CABCOCO1: variants seen among roughly 807,000 people sequenced by gnomAD.
CABCOCO1 encodes ciliary-associated calcium-binding coiled-coil protein 1.
CABCOCO1 carries 28 observed loss-of-function variants against 35.7 expected under a neutral mutation model. That is an observed-to-expected ratio of 0.78 (90% CI 0.58 to 1.07). The LOEUF is 1.07. Among genes scored for constraint, CABCOCO1 ranks in the 50% least tolerant of loss-of-function variants. The pLI is 0.00. For synonymous variants in CABCOCO1, 95 were observed against 100.1 expected, an observed-to-expected ratio of 0.95 and a Z score of 0.30; for missense variants, 326 against 309.2, an observed-to-expected ratio of 1.05 and a Z score of -0.41.
chr10:61,761,022 A>G lies in CABCOCO1; in HGVS notation c.816+19A>G. On this transcript the variant is annotated intron_variant, in intron 7 of 7. Coordinates refer to ENST00000648843, the MANE Select transcript of CABCOCO1 (RefSeq NM_001366906.2). Reference sequence around the variant, plus strand: ...CATTCAGGTACTCAGTATTGATAGTATGCTCACTTACTTTATTACTGGTTA... The same window carrying G: ...CATTCAGGTACTCAGTATTGATAGTGTGCTCACTTACTTTATTACTGGTTA... 6.2e-7 allele frequency: 1 copy of G among 1,609,500 alleles called. No individual in the cohort carries two copies. The highest frequency in any genetic ancestry group is 2.2e-5 in the East Asian group (1 of 44,812).
chr10:61,690,607 G>C lies in CABCOCO1; in HGVS notation c.538G>C (p.Val180Leu). 6.2e-7 allele frequency: 1 copy of C among 1,601,072 alleles called. No homozygotes were observed. The highest frequency in any genetic ancestry group is 8.6e-7 in the Non-Finnish European group (1 of 1,169,168). ...FMFYSAREEI[V>L]IGTEQVIEVV... is the part of the protein sequence containing the mutation. Reference sequence around the variant, plus strand: ...GTTCTACTCTGCCAGGGAAGAAATTGTGATAGGAACTGAGGTAAGTAATTT... The same window carrying C: ...GTTCTACTCTGCCAGGGAAGAAATTCTGATAGGAACTGAGGTAAGTAATTT... Residue 180 changes from valine to leucine, a missense_variant, in exon 5 of 8, where the codon GTG (valine) becomes CTG (leucine). Coordinates refer to ENST00000648843, the MANE Select transcript of CABCOCO1 (RefSeq NM_001366906.2).
At chr10:61,690,237 T>C (rs927695245) in intron 4 of CABCOCO1, among the ~76,000 whole-genome samples, 1 of 152,132 alleles carries the variant, frequency 6.6e-6, no homozygotes, top group Non-Finnish European at 1.5e-5. Flanking sequence ...CATTATTTGC[T>C]TTTAAGCTAG....
At chr10:61,734,186 G>A (rs1342890841) in intron 5 of CABCOCO1, among the ~76,000 whole-genome samples, 1 of 151,816 alleles carries the variant, frequency 6.6e-6, no homozygotes, top group Non-Finnish European at 1.5e-5. Context: ...AGTTTCAAGG[G>A]TATGAAAATG....
intron 2 of CABCOCO1, among the ~76,000 whole-genome samples, chr10:61,678,962 C>A (rs1245899671): frequency 2.0e-5 from 3 of 152,104 alleles, no homozygotes; most frequent in Non-Finnish European, 4.4e-5. Flanking sequence ...CTATCTCGAC[C>A]TCAGCTTTAT....
intron 5 of CABCOCO1, among the ~76,000 whole-genome samples, chr10:61,692,981 A>G (rs1315913707): frequency 1.3e-5 from 2 of 152,172 alleles, no homozygotes; most frequent in Non-Finnish European, 2.9e-5. Context: ...TGATCAAGAA[A>G]AAATTTCAGA....
chr10:61,702,339 T>C (rs1474793805), intron 5 of CABCOCO1, among the ~76,000 whole-genome samples: 1 of 152,176 alleles, frequency 6.6e-6, no homozygotes, highest in East Asian at 1.9e-4. Flanking sequence ...AATGTTCTTC[T>C]CATTAGTAAA....
At chr10:61,744,829 A>C (rs1218882042) in intron 5 of CABCOCO1, among the ~76,000 whole-genome samples, 1 of 152,196 alleles carries the variant, frequency 6.6e-6, no homozygotes, top group East Asian at 1.9e-4. Flanking sequence ...AATTAAGTTA[A>C]ATAACACCAG....
At chr10:61,698,076 C>T (rs774955170) in intron 5 of CABCOCO1, among the ~76,000 whole-genome samples, 4 of 152,062 alleles carry the variant, frequency 2.6e-5, no homozygotes, top group Non-Finnish European at 5.9e-5. Context: ...AGTGGCAACA[C>T]ATCAAATCTT....
chr10:61,701,166 T>A (rs1185673523), intron 5 of CABCOCO1, among the ~76,000 whole-genome samples: 1 of 152,136 alleles, frequency 6.6e-6, no homozygotes, highest in Non-Finnish European at 1.5e-5. Context: ...GCAATCAGCA[T>A]GTATTATAGC....
intron 1 of CABCOCO1, among the ~76,000 whole-genome samples, chr10:61,670,427 C>CA (rs1011217108): frequency 1.3e-5 from 2 of 151,458 alleles, no homozygotes; most frequent in African/African-American, 2.4e-5. Context: ...CCGTAGCTTA[C>CA]AAAAAAAGTG....
intron 2 of CABCOCO1, among the ~76,000 whole-genome samples, chr10:61,679,739 A>T (rs1373780575): frequency 6.6e-6 from 1 of 152,190 alleles, no homozygotes; most frequent in Non-Finnish European, 1.5e-5. Flanking sequence ...GAGGAACAGG[A>T]AAGAGAAATA....
intron 2 of CABCOCO1, among the ~76,000 whole-genome samples, chr10:61,680,725 T>TGTTATACATGTATAACA (rs1491363908): frequency 1.6e-5 from 2 of 127,620 alleles, no homozygotes; most frequent in East Asian, 2.2e-4. Context: ...AACATATATA[T>TGTTATACATGTATAACA]TATATATATA....
At chr10:61,682,608 A>G (rs1451634839) in intron 3 of CABCOCO1, among the ~76,000 whole-genome samples, 1 of 152,196 alleles carries the variant, frequency 6.6e-6, no homozygotes, top group Non-Finnish European at 1.5e-5. Flanking sequence ...TTTCCCCTCA[A>G]TAGGAATAGC....
At chr10:61,675,237 C>T (rs917772909) in intron 2 of CABCOCO1, among the ~76,000 whole-genome samples, 7 of 152,104 alleles carry the variant, frequency 4.6e-5, no homozygotes, top group Admixed American at 4.6e-4. Flanking sequence ...TTCCAGCTCC[C>T]GTTATTCCCA....
intron 5 of CABCOCO1, among the ~76,000 whole-genome samples, chr10:61,744,774 G>A (rs1297719509): frequency 1.3e-5 from 2 of 152,180 alleles, no homozygotes; most frequent in East Asian, 3.9e-4. Context: ...CAGCTTAGGC[G>A]CTACCTAAGA....
chr10:61,681,891 G>T (rs1839803586), intron 3 of CABCOCO1, among the ~76,000 whole-genome samples: 1 of 152,088 alleles, frequency 6.6e-6, no homozygotes, highest in South Asian at 2.1e-4. Flanking sequence ...AAATTCCCTG[G>T]GGTGAATGGT....
chr10:61,711,180 C>A (rs940998817), intron 5 of CABCOCO1, among the ~76,000 whole-genome samples: 4 of 151,838 alleles, frequency 2.6e-5, no homozygotes, highest in Non-Finnish European at 5.9e-5. Context: ...AAACATAACA[C>A]CCCTTGTGAA....
intron 5 of CABCOCO1, among the ~76,000 whole-genome samples, chr10:61,726,829 G>GA (rs1841163447): frequency 1.3e-5 from 2 of 151,446 alleles, no homozygotes; most frequent in South Asian, 4.2e-4. Context: ...AGGCGAGCGG[G>GA]GGTGGATCAC....
intron 5 of CABCOCO1, among the ~76,000 whole-genome samples, chr10:61,716,342 C>A (rs756405877): frequency 6.6e-6 from 1 of 152,102 alleles, no homozygotes; most frequent in African/African-American, 2.4e-5. Context: ...TCAGAACTGG[C>A]ACAGTGTCAC....
Sources: gnomAD v4.1 joint callset for allele counts (sites outside exome capture counted in the v4.1 genomes callset) on GRCh38, gnomAD v4.1.1 for gene constraint, MANE v1.5 for transcripts, NCBI Gene and HGNC (gene_info 2026-07-23, HGNC 2026-07-21) for gene names.